The following CELF2 variants were observed in gnomAD, a reference collection of about 807,000 sequenced individuals.
CELF2 encodes the protein CUG triplet repeat RNA-binding protein 2.
In CELF2, 8 loss-of-function variants were observed where a neutral mutation model predicts 62.6. The observed-to-expected ratio is 0.13, with a 90% CI of 0.07 to 0.23. CELF2 has a LOEUF of 0.23. Among genes scored for constraint, CELF2 ranks in the 10% least tolerant of loss-of-function variants. CELF2 has a pLI of 1.00. For missense variants in CELF2, 333 were observed against 671.0 expected (o/e 0.50, Z 5.56); for synonymous variants, 258 against 250.0 (o/e 1.03, Z -0.30).
At chr10:10,870,783 C>T (rs1300879440) in intron 1 of CELF2, among the ~76,000 whole-genome samples, 2 of 152,228 alleles carry the variant, frequency 1.3e-5, no homozygotes, top group African/African-American at 4.8e-5. Context: ...ACACCTGCCA[C>T]ATCCCAGGCA....
chr10:10,687,976 C>A, the CELF2 span, among the ~76,000 whole-genome samples: 2 of 152,320 alleles, frequency 1.3e-5, no homozygotes, highest in Non-Finnish European at 2.9e-5. Flanking sequence ...CATACAAAGC[C>A]TTACCATTGT....
intron 1 of CELF2, among the ~76,000 whole-genome samples, chr10:11,095,742 G>A (rs1167086544): frequency 6.6e-6 from 1 of 152,182 alleles, no homozygotes; most frequent in Non-Finnish European, 1.5e-5. Flanking sequence ...CCCACTAGGA[G>A]AAGCTGGCGT....
chr10:10,781,881 C>T, the CELF2 span, among the ~76,000 whole-genome samples: 1 of 152,038 alleles, frequency 6.6e-6, no homozygotes, highest in African/African-American at 2.4e-5. Flanking sequence ...ATTCAACCAA[C>T]CGTGAATCAA....
intron 1 of CELF2, among the ~76,000 whole-genome samples, chr10:11,070,758 T>C (rs940510938): frequency 1.3e-5 from 2 of 152,124 alleles, no homozygotes; most frequent in Non-Finnish European, 2.9e-5. Flanking sequence ...AACATGATAC[T>C]GTGTGAAGGA....
chr10:10,677,658 C>T, the CELF2 span, among the ~76,000 whole-genome samples: 1 of 152,162 alleles, frequency 6.6e-6, no homozygotes, highest in Admixed American at 6.5e-5. Flanking sequence ...AAACCGCATG[C>T]GGTAGTGCCA....
Position 11,222,542 on chromosome 10 carries a change from C to T in CELF2, c.354+5035C>T, listed in dbSNP as rs7073273. Among the ~76,000 whole-genome samples the T allele has an allele frequency of 4.5e-3, 679 of 152,274 alleles. 10 individuals carry two copies. Among genetic ancestry groups the T allele is most frequent in the African/African-American group, 0.016 (649 of 41,542 alleles). ...CTTGTGCCATGCGGGGCACACAAAG[C>T]GCTGATGCATTTCTTTATTCGGCAA... On this transcript the variant is annotated intron_variant, in intron 3 of 12. Transcript: ENST00000633077.
chr10:10,850,867 G>A (rs184207499), intron 1 of CELF2, among the ~76,000 whole-genome samples: 237 of 151,726 alleles, frequency 1.6e-3, no homozygotes, highest in African/African-American at 5.2e-3. Flanking sequence ...GTGCAGTGGC[G>A]TGACCTCAGC....
intron 8 of CELF2, among the ~76,000 whole-genome samples, chr10:11,277,032 G>A (rs919439362): frequency 6.6e-6 from 1 of 152,154 alleles, no homozygotes; most frequent in Non-Finnish European, 1.5e-5. Flanking sequence ...ATCAAATGCT[G>A]GACAGGCCAT....
intron 1 of CELF2, among the ~76,000 whole-genome samples, chr10:11,055,458 G>GT (rs2065019479): frequency 6.6e-6 from 1 of 152,240 alleles, no homozygotes; most frequent in Admixed American, 6.5e-5. Context: ...CCTGGGAATA[G>GT]TTTTAATGTG....
chr10:10,869,991 T>C (rs1049460791), intron 1 of CELF2, among the ~76,000 whole-genome samples: 4 of 152,194 alleles, frequency 2.6e-5, no homozygotes, highest in African/African-American at 9.7e-5. Flanking sequence ...TATATTGCCA[T>C]TGAGATTACC....
At chr10:11,021,504 A>T (rs2058312881) in intron 1 of CELF2, among the ~76,000 whole-genome samples, 1 of 152,228 alleles carries the variant, frequency 6.6e-6, no homozygotes, top group Non-Finnish European at 1.5e-5. Flanking sequence ...TTTATAGATT[A>T]AGAAACTGTT....
At chr10:11,076,320 C>T (rs2071911363) in intron 1 of CELF2, among the ~76,000 whole-genome samples, 2 of 152,098 alleles carry the variant, frequency 1.3e-5, no homozygotes, top group African/African-American at 4.8e-5. Context: ...CCAAATTCAG[C>T]AGCAAGCAAA....
At chr10:10,847,219 T>C (rs1159656890) in intron 1 of CELF2, among the ~76,000 whole-genome samples, 1 of 152,064 alleles carries the variant, frequency 6.6e-6, no homozygotes, top group African/African-American at 2.4e-5. Context: ...TATATATATA[T>C]GCACACACAT....
At chr10:10,819,290 T>C in intron 1 of CELF2, among the ~76,000 whole-genome samples, 1 of 152,168 alleles carries the variant, frequency 6.6e-6, no homozygotes, top group Non-Finnish European at 1.5e-5. Context: ...TGTGAGATAC[T>C]GATGTTGATC....
chr10:11,056,057 T>C (rs924623135), intron 1 of CELF2, among the ~76,000 whole-genome samples: 1 of 152,264 alleles, frequency 6.6e-6, no homozygotes, highest in African/African-American at 2.4e-5. Flanking sequence ...GGTTTCAGCA[T>C]GTTTGTCCAT....
the CELF2 span, among the ~76,000 whole-genome samples, chr10:10,590,358 G>A: frequency 6.6e-6 from 1 of 152,182 alleles, no homozygotes; most frequent in Admixed American, 6.5e-5. Context: ...AGGTGCTTAT[G>A]AGCAAGGAAA....
rs2053867299 is a variant in CELF2 at position 10,995,596 on chromosome 10, C to T, written c.89+75597C>T. 6.6e-6 allele frequency among the ~76,000 whole-genome samples: 1 copy of T among 152,182 alleles called. No individual in the cohort carries two copies. Among genetic ancestry groups the T allele is most frequent in the South Asian group, 2.1e-4 (1 of 4,824 alleles). ...ATGAGTTGGAGACATAGGTGGATCT[C>T]ATGGGCATTATTATGTGGCTTGGAC... On this transcript the variant is annotated intron_variant, in intron 2 of 13. Coordinates refer to the CELF2 transcript ENST00000636488. This position sits in a 1 kb window ranked among gnomAD's most constrained non-coding sequence, Gnocchi z 4.7.
At chr10:11,197,425 T>C (rs1037476328) in intron 2 of CELF2, among the ~76,000 whole-genome samples, 2 of 152,208 alleles carry the variant, frequency 1.3e-5, no homozygotes, top group Non-Finnish European at 2.9e-5. Flanking sequence ...AATAAACAGA[T>C]ACTAGGGTAG....
the CELF2 span, among the ~76,000 whole-genome samples, chr10:10,666,190 A>G: frequency 1.3e-5 from 2 of 152,026 alleles, no homozygotes; most frequent in East Asian, 1.9e-4. Flanking sequence ...CATAATTTTA[A>G]CCTCTCCCTT....
Sources: allele counts gnomAD v4.1 joint callset (sites outside exome capture counted in the v4.1 genomes callset), GRCh38; gene constraint gnomAD v4.1.1; non-coding constraint Gnocchi (gnomAD v3.1); transcripts MANE v1.5; gene names NCBI Gene and HGNC (gene_info 2026-07-23, HGNC 2026-07-21).